Variants in MDFI observed in about 807,000 individuals in gnomAD.
The protein encoded by MDFI is inhibitor of MyoD family a.
Under a neutral mutation model 22.3 loss-of-function variants are expected in MDFI, and 16 were observed. The observed-to-expected ratio is 0.72, with a 90% CI of 0.49 to 1.09. The LOEUF (loss-of-function observed/expected upper bound fraction) is 1.09. MDFI is among the 50% of genes least tolerant of loss of function. The probability of loss-of-function intolerance (pLI) is 0.00; values close to 1 mark genes in which losing one functional copy is unlikely to be tolerated. For missense variants in MDFI, 314 were observed against 326.1 expected (o/e 0.96, Z 0.29); for synonymous variants, 145 against 142.7 (o/e 1.02, Z -0.12).
intron 2 of MDFI, among the ~76,000 whole-genome samples, chr6:41,641,616 ACT>A (rs1237452321): frequency 2.0e-5 from 3 of 151,926 alleles, no homozygotes; most frequent in Non-Finnish European, 2.9e-5. Context: ...TCCAGCCACC[ACT>A]CTCTGACCAT....
chr6:41,643,554 G>A (rs563078792), intron 2 of MDFI, among the ~76,000 whole-genome samples: 4 of 90,448 alleles, frequency 4.4e-5, no homozygotes, highest in African/African-American at 1.2e-4. Flanking sequence ...AGGAGGGAAG[G>A]AAGGAAGGAA....
chr6:41,642,043 A>G (rs1054368784), intron 2 of MDFI, among the ~76,000 whole-genome samples: 6 of 152,124 alleles, frequency 3.9e-5, no homozygotes, highest in Non-Finnish European at 8.8e-5. Flanking sequence ...CATGTTAGGA[A>G]TGAGAGTGTA....
chr6:41,649,781 G>C lies in MDFI; in HGVS notation c.422G>C (p.Ser141Thr). 6.2e-7 allele frequency: 1 copy of C among 1,614,092 alleles called. No individual in the cohort carries two copies. The highest frequency in any genetic ancestry group is 8.5e-7 in the Non-Finnish European group (1 of 1,180,014). The change falls in exon 4 of 5, where the codon AGC becomes ACC. Residue 141 changes from serine (S) to threonine (T), a missense_variant. By Grantham distance (58) the Ser-to-Thr change is moderately conservative. Coordinates refer to ENST00000230321, the MANE Select transcript of MDFI (RefSeq NM_005586.4). ...CACCCATCTCTCGCCAGCCAGGGCA[G>C]CAAGAAGAGTAAGAGCAGCAGCAAA... is the stretch of plus-strand genomic sequence containing the variant. Reference protein sequence around the residue: ...QTHPSLASQGSKKSKSSSKST... With the variant: ...QTHPSLASQGTKKSKSSSKST...
intron 4 of MDFI, among the ~76,000 whole-genome samples, chr6:41,650,513 C>CA (rs1768226911): frequency 6.6e-6 from 1 of 151,630 alleles, no homozygotes. Context: ...CACACTTGCA[C>CA]ATAACATGCT....
chr6:41,652,195 G>A (rs1036428194), intron 4 of MDFI, among the ~76,000 whole-genome samples: 13 of 152,072 alleles, frequency 8.5e-5, no homozygotes, highest in Admixed American at 8.5e-4. Context: ...AGGAGATGAG[G>A]GACTCAGCCA....
At chr6:41,640,317 C>G (rs1272222418) in intron 2 of MDFI, among the ~76,000 whole-genome samples, 2 of 152,168 alleles carry the variant, frequency 1.3e-5, no homozygotes, top group East Asian at 3.9e-4. Flanking sequence ...TACCTCCTTC[C>G]AAGATCCCCT....
At chr6:41,639,905 A>G in intron 2 of MDFI, 1 of 984,954 alleles carries the variant, frequency 1.0e-6, no homozygotes, top group Non-Finnish European at 1.2e-6. Context: ...GCCCCTCTCC[A>G]CTCCCCACCT....
intron 3 of MDFI, among the ~76,000 whole-genome samples, chr6:41,646,529 C>T (rs537232858): frequency 2.6e-5 from 4 of 152,276 alleles, no homozygotes; most frequent in Admixed American, 1.3e-4. Flanking sequence ...GGGCAGGCTC[C>T]AGGCAAAATG....
Position 41,649,680 on chromosome 6 carries a change from C to G in MDFI, c.321C>G (p.Pro107=). 1 of 1,613,750 alleles carries G rather than the reference C, an allele frequency of 6.2e-7. No homozygotes were observed. The highest frequency in any genetic ancestry group is 1.3e-5 in the African/African-American group (1 of 75,058). ...TPLLPNDSGH[P]SELGGTRRAG... Reference sequence around the variant, plus strand: ...TTCTGCCGAATGACTCTGGCCACCCCTCAGAGCTGGGCGGCACCAGACGGG... The same window carrying G: ...TTCTGCCGAATGACTCTGGCCACCCGTCAGAGCTGGGCGGCACCAGACGGG... The change falls in exon 4 of 5, where the codon CCC becomes CCG. Residue 107 remains proline (P), a synonymous_variant. Transcript: ENST00000230321.
In MDFI at chr6:41,653,449, C is replaced by CTCT. The variant is rs1768360350; in HGVS notation, c.616_618dup (p.Ser206dup). 1 of 1,605,854 alleles carries CTCT rather than the reference C, an allele frequency of 6.2e-7. No individual in the cohort carries two copies. Among genetic ancestry groups the CTCT allele is most frequent in the Non-Finnish European group, 8.5e-7 (1 of 1,179,960 alleles). On this transcript the variant is annotated inframe_insertion, in exon 5 of 5. Coordinates refer to ENST00000230321, the MANE Select transcript of MDFI (RefSeq NM_005586.4). The surrounding 1 kb of genome is among the most constrained non-coding windows in gnomAD (Gnocchi z 4.2). ...CGTGCCTCTGCTGCTGCTGCTGTGG[C>CTCT]TCTGGCGAGTGTGCCGACTGCGACC...
chr6:41,651,997 C>T (rs1004977713), intron 4 of MDFI, among the ~76,000 whole-genome samples: 4 of 152,240 alleles, frequency 2.6e-5, no homozygotes, highest in African/African-American at 9.6e-5. Flanking sequence ...CTGGAGCTTA[C>T]ATATCCGGTA....
upstream of MDFI, among the ~76,000 whole-genome samples, chr6:41,637,798 C>T (rs976249295): frequency 2.6e-5 from 4 of 152,180 alleles, no homozygotes; most frequent in Non-Finnish European, 5.9e-5. This position sits in a 1 kb window ranked among gnomAD's most constrained non-coding sequence, Gnocchi z 6.8. Flanking sequence ...ATTCGGAGGA[C>T]CTCTCTTTGC....
In MDFI at chr6:41,638,726, C is replaced by T. The variant is rs758315071; in HGVS notation, c.-11-13C>T. 1.9e-6 allele frequency: 3 copies of T among 1,553,392 alleles called. No homozygotes were observed. Among genetic ancestry groups the T allele is most frequent in the Admixed American group, 1.9e-5 (1 of 52,158 alleles). ...CGCCTCCGGCGCCGCCCGCTGAGCC[C>T]TGTTTTCCGCAGGTCCGGGGCCGAT... On this transcript the variant is annotated splice_polypyrimidine_tract_variant and intron_variant, in intron 1 of 4. Coordinates refer to ENST00000230321, the MANE Select transcript of MDFI (RefSeq NM_005586.4). This position sits in a 1 kb window ranked among gnomAD's most constrained non-coding sequence, Gnocchi z 7.6.
intron 3 of MDFI, among the ~76,000 whole-genome samples, chr6:41,646,990 C>G (rs1007945606): frequency 6.6e-6 from 1 of 152,174 alleles, no homozygotes; most frequent in Admixed American, 6.5e-5. Flanking sequence ...AACGGCCCAC[C>G]CTGGTCCCAA....
rs1768195559 is a variant in MDFI at position 41,649,766 on chromosome 6, T to A, written c.407T>A (p.Leu136His). 6.2e-7 allele frequency: 1 copy of A among 1,613,888 alleles called. No homozygotes were observed. The highest frequency in any genetic ancestry group is 1.3e-5 in the African/African-American group (1 of 74,894). ...AHRKLQTHPSLASQGSKKSKS... is the reference protein window; with the variant it reads ...AHRKLQTHPSHASQGSKKSKS... ...CGGAAGTTGCAGACACACCCATCTC[T>A]CGCCAGCCAGGGCAGCAAGAAGAGT... Residue 136 changes from leucine (L) to histidine (H), a missense_variant, in exon 4 of 5, where the codon CTC becomes CAC. By Grantham distance (99) the Leu-to-His change is moderately conservative. Coordinates refer to ENST00000230321, the MANE Select transcript of MDFI (RefSeq NM_005586.4).
At chr6:41,649,906 C>G (rs998737522) in intron 4 of MDFI, 63 bp downstream of exon 4, 14 of 1,441,974 alleles carry the variant, frequency 9.7e-6, no homozygotes, top group South Asian at 1.3e-5. Flanking sequence ...CGAAGCATGA[C>G]GCATGGGCCC....
intron 2 of MDFI, among the ~76,000 whole-genome samples, chr6:41,640,380 A>G (rs910057112): frequency 5.9e-5 from 9 of 152,270 alleles, no homozygotes; most frequent in East Asian, 1.9e-4. Context: ...GGCTAACTGC[A>G]CACAACCGGG....
intron 2 of MDFI, among the ~76,000 whole-genome samples, chr6:41,641,464 T>G: frequency 6.6e-6 from 1 of 151,882 alleles, no homozygotes; most frequent in African/African-American, 2.4e-5. Flanking sequence ...TAAGCATGGG[T>G]GGACTGGTCA....
Position 41,653,889 on chromosome 6 carries a change from G to C in MDFI, c.*314G>C, listed in dbSNP as rs542837003. 238 of 439,854 alleles carry C rather than the reference G, an allele frequency of 5.4e-4. 2 individuals carry two copies. The highest frequency in any genetic ancestry group is 9.0e-4 in the Non-Finnish European group (217 of 240,772). The allele number at this position is 439,854 out of a possible 1,614,324, so 27.2% of individuals were successfully genotyped here. On this transcript the variant is annotated 3_prime_UTR_variant, in exon 5 of 5. Transcript: ENST00000230321. The surrounding 1 kb of genome is among the most constrained non-coding windows in gnomAD (Gnocchi z 4.2). The stretch of plus-strand genomic sequence containing the variant: ...CAGGGCTGGGGTGGGGACCGCAGGG[G>C]GCAGCCAGGGCTGGGGAACACTGTG...
Sources: allele counts gnomAD v4.1 joint callset (sites outside exome capture counted in the v4.1 genomes callset), GRCh38; gene constraint gnomAD v4.1.1; non-coding constraint Gnocchi (gnomAD v3.1); transcripts MANE v1.5; gene names NCBI Gene and HGNC (gene_info 2026-07-23, HGNC 2026-07-21).